LINGO2: variants seen among roughly 807,000 people sequenced by gnomAD.
LINGO2 encodes the protein leucine rich repeat and Ig domain containing 2, also known as leucine-rich repeat and immunoglobulin-like domain-containing nogo receptor-interacting protein 2.
A neutral mutation model predicts 30.6 loss-of-function variants in LINGO2; 14 were observed. The observed-to-expected ratio is 0.46, with a 90% CI of 0.30 to 0.72. LINGO2 has a LOEUF of 0.72. LINGO2 is among the 30% of genes least tolerant of loss of function. LINGO2 has a pLI of 0.07. For missense variants in LINGO2, 729 were observed against 751.7 expected (o/e 0.97, Z 0.35); for synonymous variants, 317 against 288.5 (o/e 1.10, Z -1.00).
At chr9:29,108,985 T>C in the LINGO2 span, among the ~76,000 whole-genome samples, 1 of 152,232 alleles carries the variant, frequency 6.6e-6, no homozygotes, top group Admixed American at 6.5e-5. Flanking sequence ...ACTTGCACAA[T>C]AGCTAGAACC....
chr9:28,258,916 TAA>T (rs1024385017), intron 4 of LINGO2, among the ~76,000 whole-genome samples: 6 of 118,930 alleles, frequency 5.0e-5, no homozygotes, highest in Admixed American at 2.4e-4. Context: ...GAATATTTCA[TAA>T]GTCAAAAAAA....
chr9:29,014,751 G>T, the LINGO2 span, among the ~76,000 whole-genome samples: 55 of 152,232 alleles, frequency 3.6e-4, no homozygotes, highest in Admixed American at 2.5e-3. Context: ...CTGGGGACTT[G>T]GTACTGCGGT....
the LINGO2 span, among the ~76,000 whole-genome samples, chr9:28,988,801 G>A: frequency 6.6e-6 from 1 of 152,332 alleles, no homozygotes; most frequent in South Asian, 2.1e-4. Flanking sequence ...AGTGGGACTG[G>A]TGGCACAGTT....
intron 1 of LINGO2, among the ~76,000 whole-genome samples, chr9:28,527,072 T>G (rs2135417333): frequency 6.6e-6 from 1 of 152,318 alleles, no homozygotes; most frequent in South Asian, 2.1e-4. Context: ...TAGAAACATG[T>G]TTGTTTTCTT....
At chr9:28,019,260 T>C (rs1563917353) in intron 4 of LINGO2, among the ~76,000 whole-genome samples, 1 of 148,448 alleles carries the variant, frequency 6.7e-6, no homozygotes, top group Non-Finnish European at 1.5e-5. Flanking sequence ...CATATACTGC[T>C]GAACCTAAAA....
chr9:28,731,777 A>C, the LINGO2 span, among the ~76,000 whole-genome samples: 2 of 152,164 alleles, frequency 1.3e-5, no homozygotes. Flanking sequence ...AATATTGGTG[A>C]ATAATATAAA....
At chr9:28,780,830 ATGTGTGTGTGTGTGTGTGTGTGTGTGTG>A in the LINGO2 span, among the ~76,000 whole-genome samples, 1 of 127,510 alleles carries the variant, frequency 7.8e-6, no homozygotes, top group Non-Finnish European at 1.8e-5. Context: ...CTTGGTAGTA[ATGTGTGTGTGTGTGTGTGTGTGTGTGTG>A]TGTGTGTGTG....
At chr9:28,665,056 T>C (rs1266391644) in intron 1 of LINGO2, among the ~76,000 whole-genome samples, 1 of 138,086 alleles carries the variant, frequency 7.2e-6, no homozygotes, top group African/African-American at 2.6e-5. Context: ...GCGAACACAA[T>C]AGGTACTCAA....
chr9:28,632,682 A>T (rs1293905354), intron 1 of LINGO2, among the ~76,000 whole-genome samples: 2 of 130,088 alleles, frequency 1.5e-5, no homozygotes, highest in African/African-American at 5.7e-5. Flanking sequence ...ATCTATATAA[A>T]AATATATTTA....
intron 4 of LINGO2, among the ~76,000 whole-genome samples, chr9:28,154,110 A>G (rs935249955): frequency 2.0e-5 from 3 of 152,188 alleles, no homozygotes; most frequent in Non-Finnish European, 2.9e-5. Flanking sequence ...ATCCCCATAA[A>G]GCAGGTGCCT....
chr9:28,706,320 T>C, the LINGO2 span, among the ~76,000 whole-genome samples: 1 of 152,206 alleles, frequency 6.6e-6, no homozygotes, highest in Admixed American at 6.5e-5. Context: ...ATAGTAGCCA[T>C]TCAAAAAAGG....
At chr9:28,371,923 G>C (rs1820915535) in intron 3 of LINGO2, among the ~76,000 whole-genome samples, 1 of 152,176 alleles carries the variant, frequency 6.6e-6, no homozygotes, top group African/African-American at 2.4e-5. Context: ...TTTATTGCTA[G>C]TAATAAGCAG....
chr9:28,433,949 C>CTCTCTCTCTCTCTATATATA (rs1225323260), intron 2 of LINGO2, among the ~76,000 whole-genome samples: 9 of 88,476 alleles, frequency 1.0e-4, no homozygotes, highest in African/African-American at 4.0e-4. Flanking sequence ...CTCTCTCTCT[C>CTCTCTCTCTCTCTATATATA]TATATATATA....
intron 2 of LINGO2, among the ~76,000 whole-genome samples, chr9:28,375,102 A>T (rs1276872643): frequency 2.0e-5 from 1 of 51,100 alleles, no homozygotes; most frequent in Non-Finnish European, 5.8e-5. Flanking sequence ...ACACACACAC[A>T]CACACACACA....
intron 4 of LINGO2, among the ~76,000 whole-genome samples, chr9:28,261,685 C>T (rs983729664): frequency 7.9e-5 from 12 of 151,642 alleles, no homozygotes; most frequent in African/African-American, 2.9e-4. Flanking sequence ...AAAAAAAATC[C>T]ACCTTAATTT....
Position 28,535,187 on chromosome 9 carries a change from T to C in LINGO2, c.-364-59162A>G, listed in dbSNP as rs192914701. ...TTCAACAATACAGGAATTTTGATTT[T>C]AATTTTATCATATTTATACAATGGA... On this transcript the variant is annotated intron_variant, in intron 1 of 5. Transcript: ENST00000379992. Among the ~76,000 whole-genome samples the C allele has an allele frequency of 2.0e-3, 301 of 152,292 alleles. 5 individuals are homozygous for C. Among genetic ancestry groups the C allele is most frequent in the East Asian group, 1.7e-3 (9 of 5,182 alleles).
chr9:28,776,654 C>T, the LINGO2 span, among the ~76,000 whole-genome samples: 1 of 152,106 alleles, frequency 6.6e-6, no homozygotes, highest in Admixed American at 6.5e-5. Flanking sequence ...TACCAGGTAC[C>T]ATGTTAAGCA....
At chr9:29,073,874 A>G in the LINGO2 span, among the ~76,000 whole-genome samples, 27 of 152,202 alleles carry the variant, frequency 1.8e-4, no homozygotes, top group Non-Finnish European at 4.4e-5. Flanking sequence ...TGCCTCAATC[A>G]TTGTGACTAT....
intron 4 of LINGO2, among the ~76,000 whole-genome samples, chr9:28,194,271 A>G (rs961165769): frequency 6.6e-6 from 1 of 152,180 alleles, no homozygotes; most frequent in Non-Finnish European, 1.5e-5. Flanking sequence ...AAAGTAAAAT[A>G]AAATATATGC....
Sources: allele counts gnomAD v4.1 joint callset (sites outside exome capture counted in the v4.1 genomes callset), GRCh38; gene constraint gnomAD v4.1.1; transcripts MANE v1.5; gene names NCBI Gene and HGNC (gene_info 2026-07-23, HGNC 2026-07-21).